Variants in MOB3B observed in about 807,000 individuals in gnomAD.
The protein encoded by MOB3B is MOB kinase activator 3B, also known as MOB kinase activator-like 2B.
A neutral mutation model predicts 18.7 loss-of-function variants in MOB3B; 7 were observed. The ratio of observed to expected loss-of-function variants is 0.37; its 90% CI spans 0.21 to 0.70. The LOEUF (loss-of-function observed/expected upper bound fraction) is 0.70, where lower values mean the gene tolerates loss of function less well. Among genes scored for constraint, MOB3B ranks in the 30% least tolerant of loss-of-function variants. The pLI is 0.52. For synonymous variants in MOB3B, 111 were observed against 99.9 expected, an observed-to-expected ratio of 1.11 and a Z score of -0.66; for missense variants, 253 against 281.3, an observed-to-expected ratio of 0.90 and a Z score of 0.72.
At chr9:27,477,668 G>C (rs1027668921) in intron 1 of MOB3B, among the ~76,000 whole-genome samples, 4 of 152,162 alleles carry the variant, frequency 2.6e-5, no homozygotes, top group African/African-American at 9.7e-5. Context: ...CAAAATATAA[G>C]CCATGGCAGC....
At chr9:27,508,440 T>C (rs886481142) in intron 1 of MOB3B, among the ~76,000 whole-genome samples, 2 of 151,276 alleles carry the variant, frequency 1.3e-5, no homozygotes, top group African/African-American at 2.4e-5. Context: ...CTGGCAGGAT[T>C]TGGAGAAGAG....
Position 27,407,075 on chromosome 9 carries a change from G to A in MOB3B, c.419-47839C>T, listed in dbSNP as rs560791980. Among the ~76,000 whole-genome samples, 130 of 152,172 alleles carry A rather than the reference G, an allele frequency of 8.5e-4. 1 individual carries two copies. The highest frequency in any genetic ancestry group is 6.8e-3 in the Middle Eastern group (2 of 294). ...GTTGGTCTTGAACTCCTGACCTCGTGATTCACCTGCCTCAGCCTCCCAAAG... is the reference window on the plus strand; with the variant it reads ...GTTGGTCTTGAACTCCTGACCTCGTAATTCACCTGCCTCAGCCTCCCAAAG... On this transcript the variant is annotated intron_variant, in intron 2 of 3. Transcript: ENST00000262244.
chr9:27,528,018 C>A (rs1478574008), intron 1 of MOB3B, among the ~76,000 whole-genome samples: 2 of 152,190 alleles, frequency 1.3e-5, no homozygotes, highest in Admixed American at 1.3e-4. Flanking sequence ...TGTGCTCTAG[C>A]CGTATCTGTG....
At position 27,487,690 on chromosome 9, in the gene MOB3B, C is replaced by T. The variant is rs79253310; in HGVS notation, c.-198-31942G>A. ...CTGCTCCTTAGGGGCTGCTTGGCCA[C>T]CTGACCCTTAGAAGCAAGAGTTCGA... is the stretch of plus-strand genomic sequence containing the variant. On this transcript the variant is annotated intron_variant, in intron 1 of 3. Transcript: ENST00000262244. Among the ~76,000 whole-genome samples, 678 of 152,266 alleles carry T rather than the reference C, an allele frequency of 4.5e-3. 2 individuals carry two copies. Among genetic ancestry groups the T allele is most frequent in the Middle Eastern group, 0.014 (4 of 294 alleles).
intron 1 of MOB3B, among the ~76,000 whole-genome samples, chr9:27,474,269 C>G (rs1000034664): frequency 2.6e-5 from 4 of 151,904 alleles, no homozygotes; most frequent in Non-Finnish European, 4.4e-5. Flanking sequence ...ACAAATGGGT[C>G]CTTTTAAGTA....
chr9:27,444,166 GGAAGGAAA>G (rs1341020670), intron 2 of MOB3B, among the ~76,000 whole-genome samples: 25 of 143,908 alleles, frequency 1.7e-4, no homozygotes, highest in South Asian at 1.6e-3. Context: ...AAGGAAGGAA[GGAAGGAAA>G]GAAGGAAGGA....
chr9:27,379,204 G>C (rs919158221), intron 2 of MOB3B, among the ~76,000 whole-genome samples: 1 of 152,186 alleles, frequency 6.6e-6, no homozygotes, highest in African/African-American at 2.4e-5. Context: ...TTGCTTCTCA[G>C]CAGAGTGGAT....
At chr9:27,524,272 T>C in intron 1 of MOB3B, 5 of 1,518,612 alleles carry the variant, frequency 3.3e-6, no homozygotes, top group Non-Finnish European at 4.4e-6. Flanking sequence ...TAAAGGCACA[T>C]GAAGGAAAAC....
At chr9:27,392,588 A>G (rs369942592) in intron 2 of MOB3B, among the ~76,000 whole-genome samples, 37 of 152,352 alleles carry the variant, frequency 2.4e-4, no homozygotes, top group African/African-American at 8.7e-4. Context: ...CTATAATCCC[A>G]GAATAAAAGA....
At chr9:27,515,496 C>T (rs892217796) in intron 1 of MOB3B, among the ~76,000 whole-genome samples, 2 of 152,142 alleles carry the variant, frequency 1.3e-5, no homozygotes, top group Admixed American at 1.3e-4. Context: ...GTATCATGTA[C>T]ATTGCATAGT....
chr9:27,475,533 T>C (rs1334810514), intron 1 of MOB3B, among the ~76,000 whole-genome samples: 1 of 152,204 alleles, frequency 6.6e-6, no homozygotes, highest in Non-Finnish European at 1.5e-5. Context: ...GAATGGCATA[T>C]CCACATAAGA....
intron 1 of MOB3B, among the ~76,000 whole-genome samples, chr9:27,492,621 C>T (rs567998908): frequency 6.6e-6 from 1 of 152,308 alleles, no homozygotes; most frequent in African/African-American, 2.4e-5. Flanking sequence ...CTGATAACTG[C>T]CAGGCATCAT....
chr9:27,353,741 T>A (rs1821143518), intron 3 of MOB3B, among the ~76,000 whole-genome samples: 1 of 152,190 alleles, frequency 6.6e-6, no homozygotes, highest in Non-Finnish European at 1.5e-5. Flanking sequence ...ACTACTGCAT[T>A]GCTAACAGCC....
At chr9:27,394,550 C>T (rs1330333252) in intron 2 of MOB3B, among the ~76,000 whole-genome samples, 1 of 152,180 alleles carries the variant, frequency 6.6e-6, no homozygotes, top group Non-Finnish European at 1.5e-5. Context: ...ATTGGATAAA[C>T]TGTGTCCAGA....
chr9:27,509,568 C>A (rs1820110943), intron 1 of MOB3B, among the ~76,000 whole-genome samples: 1 of 151,806 alleles, frequency 6.6e-6, no homozygotes, highest in Non-Finnish European at 1.5e-5. Flanking sequence ...AGGCATGCAC[C>A]ACCATGCCTG....
In MOB3B at chr9:27,498,090, T is replaced by C. The variant is rs1320658253; in HGVS notation, c.-199+31465A>G. On this transcript the variant is annotated intron_variant, in intron 1 of 3. Coordinates refer to ENST00000262244, the MANE Select transcript of MOB3B (RefSeq NM_024761.5). The stretch of plus-strand genomic sequence containing the variant: ...CAACTCCCCCTCCCTGCACTGTCAC[T>C]TCCCGGCTGCCCACCCCCTTCTCCA... 2.0e-5 allele frequency among the ~76,000 whole-genome samples: 3 copies of C among 152,264 alleles called. No individual in the cohort carries two copies. In the East Asian group the frequency reaches 5.8e-4, roughly 29 times the overall value.
At chr9:27,391,115 A>G (rs1821721619) in intron 2 of MOB3B, among the ~76,000 whole-genome samples, 1 of 152,214 alleles carries the variant, frequency 6.6e-6, no homozygotes, top group South Asian at 2.1e-4. Flanking sequence ...AGAAGTAGAG[A>G]AGCAAAGGCA....
intron 3 of MOB3B, among the ~76,000 whole-genome samples, chr9:27,344,292 G>A (rs1422504817): frequency 6.6e-6 from 1 of 152,186 alleles, no homozygotes; most frequent in Non-Finnish European, 1.5e-5. Context: ...TGTGTAATGT[G>A]TCTCCAAGAA....
intron 2 of MOB3B, among the ~76,000 whole-genome samples, chr9:27,408,719 C>T (rs1355115213): frequency 6.6e-6 from 1 of 152,070 alleles, no homozygotes; most frequent in Non-Finnish European, 1.5e-5. Flanking sequence ...TCCTGGTTCT[C>T]CTCTCCCGCC....
Sources: gnomAD v4.1 joint callset for allele counts (sites outside exome capture counted in the v4.1 genomes callset) on GRCh38, gnomAD v4.1.1 for gene constraint, MANE v1.5 for transcripts, NCBI Gene and HGNC (gene_info 2026-07-23, HGNC 2026-07-21) for gene names.